TMEM268: variants seen among roughly 807,000 people sequenced by gnomAD.
TMEM268 encodes transmembrane protein C9orf91.
TMEM268 carries 24 observed loss-of-function variants against 39.1 expected under a neutral mutation model. The observed-to-expected ratio is 0.61, with a 90% CI of 0.44 to 0.86. The LOEUF is 0.86. TMEM268 is among the 40% of genes least tolerant of loss of function. The pLI, the probability that TMEM268 is intolerant of heterozygous loss-of-function variation, is 0.00. For missense variants in TMEM268, 409 were observed against 428.6 expected (o/e 0.95, Z 0.40); for synonymous variants, 176 against 173.5 (o/e 1.01, Z -0.12).
At chr9:114,636,955 T>G in intron 6 of TMEM268, 35 bp from the exon 7 acceptor site, 32 of 1,494,806 alleles carry the variant, frequency 2.1e-5, no homozygotes, top group African/African-American at 2.7e-5. Context: ...GGGCTGCCCT[T>G]GAGCCACGGT....
intron 8 of TMEM268, among the ~76,000 whole-genome samples, chr9:114,639,287 C>A (rs892878608): frequency 1.4e-4 from 22 of 152,052 alleles, no homozygotes; most frequent in African/African-American, 5.3e-4. Flanking sequence ...AGGCATGTGC[C>A]ACCACACCTG....
Position 114,644,033 on chromosome 9 carries a change from C to T in TMEM268, c.*720C>T, listed in dbSNP as rs772616909. ...CTTGAGGACTTATTTTGTTCACAGGCATGCACGCTTGTGGTTGTGGTTTTA... is the reference window on the plus strand; with the variant it reads ...CTTGAGGACTTATTTTGTTCACAGGTATGCACGCTTGTGGTTGTGGTTTTA... On this transcript the variant is annotated 3_prime_UTR_variant, in exon 9 of 9. Coordinates refer to ENST00000288502, the MANE Select transcript of TMEM268 (RefSeq NM_153045.4). 7.9e-5 allele frequency: 12 copies of T among 152,194 alleles called. No homozygotes were observed. Among genetic ancestry groups the T allele is most frequent in the Non-Finnish European group, 1.5e-4 (10 of 68,042 alleles). The allele number at this position is 152,194 out of a possible 1,614,324, so 9.4% of individuals were successfully genotyped here.
intron 1 of TMEM268, among the ~76,000 whole-genome samples, chr9:114,616,109 G>A (rs1326659915): frequency 1.4e-5 from 2 of 140,156 alleles, no homozygotes; most frequent in African/African-American, 2.7e-5. Flanking sequence ...TCCACCCCCC[G>A]GGTTCACGCC....
In TMEM268 at chr9:114,611,544, G is replaced by GCGC. The variant is rs1396905584; in HGVS notation, c.-97_-96insCCG. The stretch of plus-strand genomic sequence containing the variant: ...TCCGCGTCCCGGGGTGGCGGCGGCG[G>GCGC]CGGCGGCGGCGGCGCGGGCGGTGAG... On this transcript the variant is annotated 5_prime_UTR_variant, in exon 1 of 9. Coordinates refer to ENST00000288502, the MANE Select transcript of TMEM268 (RefSeq NM_153045.4). 1.2e-5 allele frequency: 2 copies of GCGC among 167,398 alleles called. No homozygotes were observed. Among genetic ancestry groups the GCGC allele is most frequent in the Non-Finnish European group, 2.4e-5 (2 of 82,618 alleles). 10.4% of individuals were successfully genotyped at this position (167,398 alleles called of 1,614,324 possible).
chr9:114,635,775 T>C (rs1357663375), intron 6 of TMEM268, among the ~76,000 whole-genome samples: 1 of 152,206 alleles, frequency 6.6e-6, no homozygotes, highest in Non-Finnish European at 1.5e-5. Context: ...TGGCATGTCC[T>C]TCAGATTCAC....
At chr9:114,622,033 C>T (rs1845966172) in intron 2 of TMEM268, 2 of 963,220 alleles carry the variant, frequency 2.1e-6, no homozygotes, top group Non-Finnish European at 2.5e-6. Context: ...GAGGCTACTG[C>T]AGAGGGCCAA....
intron 2 of TMEM268, among the ~76,000 whole-genome samples, chr9:114,622,819 A>G (rs1261967357): frequency 6.6e-6 from 1 of 152,182 alleles, no homozygotes; most frequent in Non-Finnish European, 1.5e-5. Flanking sequence ...GGCCAGGTGC[A>G]GTGGCTCATG....
chr9:114,628,359 A>G (rs1846250002), intron 5 of TMEM268, 109 bp downstream of exon 5: 1 of 1,258,070 alleles, frequency 7.9e-7, no homozygotes, highest in African/African-American at 1.5e-5. Flanking sequence ...GGCCATGAAA[A>G]TTCACACTAG....
At chr9:114,634,921 A>G (rs962160776) in intron 6 of TMEM268, among the ~76,000 whole-genome samples, 1 of 152,170 alleles carries the variant, frequency 6.6e-6, no homozygotes, top group Non-Finnish European at 1.5e-5. Context: ...CAAGTGTGAC[A>G]TTGTAGACTG....
intron 5 of TMEM268, 90 bp from the exon 6 acceptor site, chr9:114,633,678 G>C: frequency 1.6e-6 from 1 of 610,474 alleles, no homozygotes; most frequent in Admixed American, 3.2e-5. Context: ...TTGGCATCTG[G>C]GGGTGGGATG....
chr9:114,610,091 G>A (rs1845440268), upstream of TMEM268, among the ~76,000 whole-genome samples: 1 of 151,780 alleles, frequency 6.6e-6, no homozygotes, highest in Non-Finnish European at 1.5e-5. Flanking sequence ...CCAGGCTGGA[G>A]TGCAATGGCG....
chr9:114,604,428 A>C, the TMEM268 span, among the ~76,000 whole-genome samples: 1,003 of 151,928 alleles, frequency 6.6e-3, 7 homozygotes, highest in Non-Finnish European at 0.011. Flanking sequence ...AAATACAAAA[A>C]ATTTACTGGG....
intron 5 of TMEM268, among the ~76,000 whole-genome samples, chr9:114,629,194 T>C (rs1196086477): frequency 6.6e-6 from 1 of 152,254 alleles, no homozygotes; most frequent in Non-Finnish European, 1.5e-5. Context: ...TACCATGAAC[T>C]TATTGGATTA....
chr9:114,614,856 T>G (rs1845639435), intron 1 of TMEM268, among the ~76,000 whole-genome samples: 1 of 151,354 alleles, frequency 6.6e-6, no homozygotes, highest in African/African-American at 2.4e-5. Flanking sequence ...AAACTCAGTT[T>G]CTCATTAAGG....
chr9:114,628,290 G>C (rs746155666), intron 5 of TMEM268, 40 bp downstream of exon 5: 8 of 1,605,686 alleles, frequency 5.0e-6, no homozygotes, highest in Non-Finnish European at 6.0e-6. Context: ...CTCTCCAGAA[G>C]AGCGGTGCAG....
chr9:114,629,751 G>C (rs1407430537), intron 5 of TMEM268, among the ~76,000 whole-genome samples: 1 of 152,202 alleles, frequency 6.6e-6, no homozygotes, highest in Non-Finnish European at 1.5e-5. Flanking sequence ...TCAGAAAGAG[G>C]GGGCAGGATG....
At chr9:114,619,006 C>T (rs1428060630) in intron 2 of TMEM268, among the ~76,000 whole-genome samples, 2 of 152,188 alleles carry the variant, frequency 1.3e-5, no homozygotes, top group African/African-American at 4.8e-5. Flanking sequence ...GGGGAAACAG[C>T]ATCCAGAATT....
intron 1 of TMEM268, among the ~76,000 whole-genome samples, chr9:114,616,017 C>CTTTTT (rs58289502): frequency 1.6e-5 from 2 of 121,300 alleles, no homozygotes; most frequent in South Asian, 2.9e-4. Flanking sequence ...TTTTTCTTTT[C>CTTTTT]TTTTTTTTTT....
rs1365434038 is a variant in TMEM268, at chr9:114,624,406, A to T, written c.163A>T (p.Ile55Phe). Residue 55 changes from isoleucine (I) to phenylalanine (F), a missense_variant, in exon 3 of 9, where the codon ATC (isoleucine) becomes TTC (phenylalanine). By Grantham distance (21) the Ile-to-Phe change is conservative. Coordinates refer to ENST00000288502, the MANE Select transcript of TMEM268 (RefSeq NM_153045.4). The stretch of plus-strand genomic sequence containing the variant: ...CCGGATTGACAATACCTGTGCACCC[A>T]TCTCCTTCGACCTGGGAGCCGCAGA... ...VLRIDNTCAP[I>F]SFDLGAAEEQ... 3 of 1,601,248 alleles carry T rather than the reference A, an allele frequency of 1.9e-6. No individual in the cohort carries two copies. The highest frequency in any genetic ancestry group is 2.6e-6 in the Non-Finnish European group (3 of 1,173,246).
Sources: allele counts gnomAD v4.1 joint callset (sites outside exome capture counted in the v4.1 genomes callset), GRCh38; gene constraint gnomAD v4.1.1; transcripts MANE v1.5; gene names NCBI Gene and HGNC (gene_info 2026-07-23, HGNC 2026-07-21).